ACYP2: variants seen among roughly 807,000 people sequenced by gnomAD.
ACYP2 encodes acylphosphatase 2.
A neutral mutation model predicts 11.2 loss-of-function variants in ACYP2; 12 were observed. That is an observed-to-expected ratio of 1.08 (90% confidence interval 0.69 to 1.74). ACYP2 has a LOEUF of 1.74. Among genes scored for constraint, ACYP2 ranks in the 40% most tolerant of loss-of-function variants. The probability of loss-of-function intolerance (pLI) is 0.00; values close to 1 mark genes in which losing one functional copy is unlikely to be tolerated. For missense variants in ACYP2, 134 were observed against 101.9 expected, an observed-to-expected ratio of 1.31 and a Z score of -1.35; for synonymous variants, 43 against 32.2, an observed-to-expected ratio of 1.33 and a Z score of -1.13.
chr2:54,126,991 T>G (rs910052509), intron 4 of ACYP2, among the ~76,000 whole-genome samples: 2 of 151,534 alleles, frequency 1.3e-5, no homozygotes, highest in African/African-American at 4.8e-5. Flanking sequence ...AAAAAGTATA[T>G]TACAGTGAAA....
intron 4 of ACYP2, among the ~76,000 whole-genome samples, chr2:54,089,090 C>T (rs988350926): frequency 5.3e-5 from 8 of 152,182 alleles, no homozygotes; most frequent in African/African-American, 9.7e-5. Context: ...TAGAGCTGCT[C>T]TCGAAATGGA....
At chr2:54,156,384 A>G (rs1255144360) in intron 6 of ACYP2, among the ~76,000 whole-genome samples, 1 of 152,158 alleles carries the variant, frequency 6.6e-6, no homozygotes, top group African/African-American at 2.4e-5. Context: ...TAAGCCCCGC[A>G]TGCATTAGCT....
chr2:53,991,513 C>G (rs1024277915), intron 2 of ACYP2, among the ~76,000 whole-genome samples: 20 of 151,290 alleles, frequency 1.3e-4, no homozygotes, highest in Non-Finnish European at 2.8e-4. Context: ...TCAAGTGATT[C>G]TCCTGCTTCA....
intron 2 of ACYP2, among the ~76,000 whole-genome samples, chr2:54,000,436 A>T (rs1672747157): frequency 6.6e-6 from 1 of 152,200 alleles, no homozygotes. Context: ...TAATTACAAG[A>T]CGTTAAATTT....
At chr2:54,298,211 G>C (rs909093135) in intron 6 of ACYP2, among the ~76,000 whole-genome samples, 1 of 152,154 alleles carries the variant, frequency 6.6e-6, no homozygotes, top group Admixed American at 6.5e-5. Flanking sequence ...CACAAATTTA[G>C]TGTAACAGTT....
At chr2:53,994,677 A>C (rs1558459581) in intron 2 of ACYP2, among the ~76,000 whole-genome samples, 1 of 152,186 alleles carries the variant, frequency 6.6e-6, no homozygotes, top group Non-Finnish European at 1.5e-5. Context: ...AAATGGAATA[A>C]GATATCAGAC....
In ACYP2 at chr2:54,135,492, A is replaced by G. The variant is rs1424259399; in HGVS notation, c.294+23A>G. On this transcript the variant is annotated intron_variant, in intron 5 of 6. Transcript: ENST00000607452. ...ATGGTAAGTCAGTACAATCTTTATTATTTTGCTATTTTTTTTCCACTGTTA... is the reference window on the plus strand; with the variant it reads ...ATGGTAAGTCAGTACAATCTTTATTGTTTTGCTATTTTTTTTCCACTGTTA... 4 of 1,598,650 alleles carry G rather than the reference A, an allele frequency of 2.5e-6. No homozygotes were observed. In the Admixed American group the frequency reaches 5.1e-5, roughly 20 times the overall value.
intron 6 of ACYP2, among the ~76,000 whole-genome samples, chr2:54,269,851 TATA>T (rs1361112814): frequency 5.3e-5 from 8 of 152,204 alleles, no homozygotes; most frequent in South Asian, 2.1e-4. Flanking sequence ...TTTCTACGTG[TATA>T]ATATGAATTA....
chr2:54,174,217 A>G (rs1351376137), intron 6 of ACYP2, among the ~76,000 whole-genome samples: 1 of 152,008 alleles, frequency 6.6e-6, no homozygotes, highest in Non-Finnish European at 1.5e-5. Flanking sequence ...TTGAGCAGTG[A>G]TTTGTAGTTC....
At chr2:54,004,632 G>A (rs918102601) in intron 2 of ACYP2, among the ~76,000 whole-genome samples, 58 of 151,110 alleles carry the variant, frequency 3.8e-4, no homozygotes, top group African/African-American at 1.3e-3. Flanking sequence ...GGATGGTCTT[G>A]ATCTCCTGAC....
At chr2:54,100,930 C>G (rs1256363479) in intron 4 of ACYP2, among the ~76,000 whole-genome samples, 1 of 152,172 alleles carries the variant, frequency 6.6e-6, no homozygotes, top group Non-Finnish European at 1.5e-5. Context: ...CTAGGAGACT[C>G]TTGAAGGTTT....
chr2:54,237,455 T>C (rs1686535086), intron 6 of ACYP2, among the ~76,000 whole-genome samples: 2 of 152,228 alleles, frequency 1.3e-5, no homozygotes, highest in Non-Finnish European at 2.9e-5. Flanking sequence ...GGTTAGACTA[T>C]CGATACAAAT....
At chr2:54,228,914 T>C (rs1010351627) in intron 6 of ACYP2, among the ~76,000 whole-genome samples, 1 of 152,014 alleles carries the variant, frequency 6.6e-6, no homozygotes, top group African/African-American at 2.4e-5. Flanking sequence ...TGGAATAAAA[T>C]CAGAGCAAAA....
At chr2:54,294,491 T>C (rs1472714816) in intron 6 of ACYP2, among the ~76,000 whole-genome samples, 1 of 152,062 alleles carries the variant, frequency 6.6e-6, no homozygotes, top group Non-Finnish European at 1.5e-5. Context: ...TATCTGCAGG[T>C]AGACATACAC....
intron 2 of ACYP2, among the ~76,000 whole-genome samples, chr2:54,000,494 TTAGA>T (rs1672749456): frequency 6.6e-6 from 1 of 152,186 alleles, no homozygotes; most frequent in Non-Finnish European, 1.5e-5. Flanking sequence ...TCCTTTTCAT[TTAGA>T]AAAACCTGTG....
chr2:54,070,558 C>A (rs1676982421), intron 4 of ACYP2, among the ~76,000 whole-genome samples: 1 of 152,106 alleles, frequency 6.6e-6, no homozygotes, highest in South Asian at 2.1e-4. Flanking sequence ...ATCCTCAACC[C>A]CAGAGTTATT....
chr2:54,219,754 G>C (rs1465595592), intron 6 of ACYP2, among the ~76,000 whole-genome samples: 1 of 151,568 alleles, frequency 6.6e-6, no homozygotes, highest in East Asian at 1.9e-4. Flanking sequence ...AAGTGGCTGG[G>C]ATTACAGGTG....
chr2:54,295,048 T>C (rs1284163571), intron 6 of ACYP2, among the ~76,000 whole-genome samples: 4 of 152,208 alleles, frequency 2.6e-5, no homozygotes, highest in Non-Finnish European at 5.9e-5. Flanking sequence ...AGCTGTGCAC[T>C]GGACTTGACA....
intron 6 of ACYP2, among the ~76,000 whole-genome samples, chr2:54,299,835 C>T (rs1452830793): frequency 6.6e-6 from 1 of 152,176 alleles, no homozygotes; most frequent in Non-Finnish European, 1.5e-5. Flanking sequence ...GCAGGACAGG[C>T]ACCTGAAGAG....
Sources: gnomAD v4.1 joint callset for allele counts (sites outside exome capture counted in the v4.1 genomes callset) on GRCh38, gnomAD v4.1.1 for gene constraint, MANE v1.5 for transcripts, NCBI Gene and HGNC (gene_info 2026-07-23, HGNC 2026-07-21) for gene names.